The following THSD4 variants were observed in gnomAD, a reference collection of about 807,000 sequenced individuals.
THSD4 encodes thrombospondin type-1 domain-containing protein 4.
THSD4 carries 69 observed loss-of-function variants against 119.0 expected under a neutral mutation model. That is an observed-to-expected ratio of 0.58 (90% CI 0.48 to 0.71). The LOEUF is 0.71. Among genes scored for constraint, THSD4 ranks in the 30% least tolerant of loss-of-function variants. THSD4 has a pLI of 0.00. For synonymous variants in THSD4, 524 were observed against 540.4 expected, an observed-to-expected ratio of 0.97 and a Z score of 0.42; for missense variants, 1,393 against 1,391.1, an observed-to-expected ratio of 1.00 and a Z score of -0.02.
intron 3 of THSD4, among the ~76,000 whole-genome samples, chr15:71,176,062 G>T (rs2043446972): frequency 7.5e-6 from 1 of 134,158 alleles, no homozygotes; most frequent in Non-Finnish European, 1.6e-5. Flanking sequence ...ATCGAGACTA[G>T]GAAGAAACTG....
intron 7 of THSD4, among the ~76,000 whole-genome samples, chr15:71,631,788 A>G (rs1237646503): frequency 1.3e-5 from 2 of 152,216 alleles, no homozygotes; most frequent in Admixed American, 6.5e-5. Flanking sequence ...TCTAGGATAC[A>G]TGAGTCCCAG....
At chr15:71,744,391 A>G (rs2053295079) in intron 11 of THSD4, among the ~76,000 whole-genome samples, 1 of 152,160 alleles carries the variant, frequency 6.6e-6, no homozygotes, top group African/African-American at 2.4e-5. Context: ...GTCCCTCAGA[A>G]GCTCACGGTC....
At chr15:71,324,785 C>T (rs2045318746) in intron 6 of THSD4, among the ~76,000 whole-genome samples, 2 of 152,172 alleles carry the variant, frequency 1.3e-5, no homozygotes, top group South Asian at 2.1e-4. Context: ...GTGCAGGTGT[C>T]TTTTTGATAT....
intron 6 of THSD4, among the ~76,000 whole-genome samples, chr15:71,291,554 C>T (rs1216962686): frequency 6.6e-6 from 1 of 152,134 alleles, no homozygotes; most frequent in Admixed American, 6.6e-5. Context: ...GGAGGGTCAG[C>T]CTTTTTGTTC....
intron 6 of THSD4, among the ~76,000 whole-genome samples, chr15:71,337,606 C>T (rs1015287213): frequency 2.6e-5 from 4 of 152,172 alleles, no homozygotes; most frequent in Non-Finnish European, 4.4e-5. Context: ...GACATTCTGG[C>T]CCGCAGGTCA....
At chr15:71,107,117 G>A (rs1037033812) in intron 1 of THSD4, among the ~76,000 whole-genome samples, 2 of 152,142 alleles carry the variant, frequency 1.3e-5, no homozygotes, top group African/African-American at 2.4e-5. Context: ...GGCTCCAAGT[G>A]CACATTTGTT....
intron 11 of THSD4, 68 bp downstream of exon 11, chr15:71,738,075 G>A: frequency 6.3e-7 from 1 of 1,577,672 alleles, no homozygotes; most frequent in East Asian, 2.3e-5. Flanking sequence ...GGTGGCCCAA[G>A]GCAGCGGTCC....
At chr15:71,410,616 A>C (rs1334045271) in intron 6 of THSD4, among the ~76,000 whole-genome samples, 1 of 152,202 alleles carries the variant, frequency 6.6e-6, no homozygotes, top group African/African-American at 2.4e-5. Context: ...TAGGACTTTG[A>C]ACTTCAACCT....
At position 71,257,892 on chromosome 15, in the gene THSD4, AT is replaced by A. The variant is rs529712729; in HGVS notation, c.1015+1178del. 1.1e-4 allele frequency among the ~76,000 whole-genome samples: 17 copies of A among 152,170 alleles called. No homozygotes were observed. The East Asian group carries it at 3.3e-3, about 30-fold the overall frequency. ...AGCAGGAAGGATGTACAGAGGAAACATAGAGCTAGCTGAGTGCACATACAAC... is the reference window on the plus strand; with the variant it reads ...AGCAGGAAGGATGTACAGAGGAAACAAGAGCTAGCTGAGTGCACATACAAC... On this transcript the variant is annotated intron_variant, in intron 6 of 17. Transcript: ENST00000261862.
At chr15:71,553,326 C>CTTTTTT (rs11288031) in intron 7 of THSD4, among the ~76,000 whole-genome samples, 1 of 133,498 alleles carries the variant, frequency 7.5e-6, no homozygotes, top group Non-Finnish European at 1.6e-5. Flanking sequence ...TTCTACTAGA[C>CTTTTTT]TTTTTTTTTT....
chr15:71,282,685 G>A (rs796075602), intron 6 of THSD4, among the ~76,000 whole-genome samples: 5 of 151,430 alleles, frequency 3.3e-5, no homozygotes, highest in African/African-American at 9.8e-5. Context: ...CTTCTGCTAG[G>A]ATTCCTGCCA....
intron 6 of THSD4, among the ~76,000 whole-genome samples, chr15:71,391,618 C>T (rs1000956857): frequency 1.1e-4 from 16 of 152,174 alleles, no homozygotes; most frequent in African/African-American, 3.4e-4. Context: ...AGAGGAAGGG[C>T]GGGCGACCAG....
At chr15:71,448,914 T>C (rs1459203240) in intron 7 of THSD4, among the ~76,000 whole-genome samples, 1 of 152,168 alleles carries the variant, frequency 6.6e-6, no homozygotes, top group Non-Finnish European at 1.5e-5. Context: ...GCTGGGTGAA[T>C]AGATTGGTCA....
At chr15:71,446,449 A>C (rs1488014410) in intron 7 of THSD4, among the ~76,000 whole-genome samples, 1 of 152,190 alleles carries the variant, frequency 6.6e-6, no homozygotes, top group Non-Finnish European at 1.5e-5. Flanking sequence ...TTGTTTTATC[A>C]CACTACTATC....
At chr15:71,259,793 G>A (rs1295341914) in intron 6 of THSD4, among the ~76,000 whole-genome samples, 4 of 152,204 alleles carry the variant, frequency 2.6e-5, no homozygotes, top group African/African-American at 4.8e-5. Context: ...CCTACATTGA[G>A]GGACAGAATC....
chr15:71,531,570 C>G (rs1007386107), intron 7 of THSD4, among the ~76,000 whole-genome samples: 2 of 152,240 alleles, frequency 1.3e-5, no homozygotes, highest in African/African-American at 2.4e-5. Context: ...TGCTTTGCTG[C>G]AGACTTGTCA....
In THSD4 at chr15:71,142,723, T is replaced by C. The variant is rs565418777; in HGVS notation, c.29+1167T>C. On this transcript the variant is annotated intron_variant, in intron 2 of 17. Transcript: ENST00000261862. ...AACAATTCTGTGATGAAGCTCATCT[T>C]ACTATTTTAGGATACTATTTAAATA... is the stretch of plus-strand genomic sequence containing the variant. Among the ~76,000 whole-genome samples, 3 of 152,344 alleles carry C rather than the reference T, an allele frequency of 2.0e-5. No individual in the cohort carries two copies. In the South Asian group the frequency reaches 6.2e-4, roughly 32 times the overall value.
chr15:71,255,661 C>T (rs559337642), intron 5 of THSD4, among the ~76,000 whole-genome samples: 7 of 152,156 alleles, frequency 4.6e-5, no homozygotes, highest in Non-Finnish European at 1.0e-4. Flanking sequence ...GAAGATGGGG[C>T]GGACAATGAG....
At chr15:71,452,913 C>T (rs1263378160) in intron 7 of THSD4, among the ~76,000 whole-genome samples, 2 of 152,190 alleles carry the variant, frequency 1.3e-5, no homozygotes, top group Non-Finnish European at 1.5e-5. Flanking sequence ...CTGCACCTGG[C>T]CAGGAGGCAG....
Sources: gnomAD v4.1 joint callset for allele counts (sites outside exome capture counted in the v4.1 genomes callset) on GRCh38, gnomAD v4.1.1 for gene constraint, MANE v1.5 for transcripts, NCBI Gene and HGNC (gene_info 2026-07-23, HGNC 2026-07-21) for gene names.